Variants in PTPRM observed in about 807,000 individuals in gnomAD.
The protein encoded by PTPRM is receptor-type tyrosine-protein phosphatase mu.
In PTPRM, 47 loss-of-function variants were observed where a neutral mutation model predicts 186.7. The observed-to-expected ratio is 0.25, with a 90% CI of 0.20 to 0.32. PTPRM has a LOEUF of 0.32. Ranked by LOEUF, PTPRM falls within the 10% of genes least tolerant of loss-of-function variation. The pLI is 1.00. For synonymous variants in PTPRM, 668 were observed against 674.9 expected (o/e 0.99, Z 0.16); for missense variants, 1,494 against 1,865.0 (o/e 0.80, Z 3.66).
chr18:7,609,050 C>T (rs1003557930), intron 1 of PTPRM, among the ~76,000 whole-genome samples: 1 of 152,206 alleles, frequency 6.6e-6, no homozygotes, highest in Non-Finnish European at 1.5e-5. Context: ...TTCCTGTTTT[C>T]TTCCCCAGGG....
intron 11 of PTPRM, among the ~76,000 whole-genome samples, chr18:8,097,103 A>C (rs630815): frequency 0.41 from 63,065 of 152,086 alleles, 14,306 homozygotes; most frequent in Non-Finnish European, 0.52. Context: ...AGCACTTATA[A>C]GTATACTCAA....
At chr18:7,827,171 A>C (rs1237069959) in intron 2 of PTPRM, among the ~76,000 whole-genome samples, 1 of 152,218 alleles carries the variant, frequency 6.6e-6, no homozygotes, top group Non-Finnish European at 1.5e-5. Flanking sequence ...GCTTTGGAGC[A>C]AAGTAAAATA....
At chr18:8,178,519 C>G (rs902059593) in intron 14 of PTPRM, among the ~76,000 whole-genome samples, 16 of 152,234 alleles carry the variant, frequency 1.1e-4, no homozygotes, top group Admixed American at 7.8e-4. Context: ...CACGGTGGCT[C>G]ATGCCTGTAG....
At chr18:8,196,038 T>C (rs2093773744) in intron 14 of PTPRM, among the ~76,000 whole-genome samples, 1 of 152,196 alleles carries the variant, frequency 6.6e-6, no homozygotes, top group Non-Finnish European at 1.5e-5. Flanking sequence ...ACCAGCTGGC[T>C]AGAGGTAACA....
chr18:7,951,947 G>C (rs1396991868), intron 6 of PTPRM, among the ~76,000 whole-genome samples: 1 of 152,158 alleles, frequency 6.6e-6, no homozygotes, highest in African/African-American at 2.4e-5. Flanking sequence ...GTCACACACT[G>C]ATTTGTGGCC....
At chr18:7,867,680 G>A (rs1219708200) in intron 2 of PTPRM, among the ~76,000 whole-genome samples, 1 of 152,006 alleles carries the variant, frequency 6.6e-6, no homozygotes. Context: ...TGTGTCTTAA[G>A]GTTGCTCTTC....
chr18:7,919,411 C>A (rs1210852546), intron 4 of PTPRM, among the ~76,000 whole-genome samples: 1 of 151,994 alleles, frequency 6.6e-6, no homozygotes, highest in Non-Finnish European at 1.5e-5. Flanking sequence ...ATTATTGAAA[C>A]AAATCATAAC....
intron 7 of PTPRM, among the ~76,000 whole-genome samples, chr18:8,016,591 C>T (rs1462089795): frequency 6.6e-6 from 1 of 151,242 alleles, no homozygotes; most frequent in Non-Finnish European, 1.5e-5. Context: ...TGAGAGTCCT[C>T]AAAGCTTTGT....
At chr18:8,364,675 A>C (rs2095617493) in intron 23 of PTPRM, among the ~76,000 whole-genome samples, 1 of 152,176 alleles carries the variant, frequency 6.6e-6, no homozygotes, top group Non-Finnish European at 1.5e-5. Context: ...AGAAGTATGG[A>C]TACTCGGTTT....
chr18:8,384,389 T>G (rs1350644314), intron 29 of PTPRM, among the ~76,000 whole-genome samples, 172 bp from the exon 30 acceptor site: 1 of 152,038 alleles, frequency 6.6e-6, no homozygotes, highest in African/African-American at 2.4e-5. Context: ...GCCCAGGAGC[T>G]CAAGGCTGCA....
chr18:8,296,267 T>C (rs997628849), intron 19 of PTPRM, 101 bp from the exon 20 acceptor site: 31 of 723,590 alleles, frequency 4.3e-5, no homozygotes, highest in Non-Finnish European at 7.5e-5. Context: ...CATTCTTTCC[T>C]TCTTGACCCT....
In PTPRM at chr18:7,735,444, C is replaced by T. The variant is rs563392627; in HGVS notation, c.74-38705C>T. Among the ~76,000 whole-genome samples, 241 of 150,802 alleles carry T rather than the reference C, an allele frequency of 1.6e-3. 8 individuals are homozygous for T. The South Asian group carries it at 0.046, about 29-fold the overall frequency. On this transcript the variant is annotated intron_variant, in intron 1 of 32. Transcript: ENST00000580170. ...TCTCAAAAGCAAGCAAGCAAACAAA[C>T]AAACATTAAAACAGAGATCTTAAGA...
At chr18:7,661,310 A>G (rs1294872478) in intron 1 of PTPRM, among the ~76,000 whole-genome samples, 3 of 152,192 alleles carry the variant, frequency 2.0e-5, no homozygotes, top group Non-Finnish European at 2.9e-5. Context: ...TCTGAATTCC[A>G]CTAAGAAGAC....
intron 23 of PTPRM, chr18:8,361,187 AT>A (rs1295296586): frequency 1.3e-5 from 2 of 151,942 alleles, no homozygotes; most frequent in Admixed American, 1.3e-4. Flanking sequence ...AGAGCCCTTT[AT>A]TTCCTCAAAG....
chr18:8,116,408 G>A (rs1028969692), intron 13 of PTPRM, among the ~76,000 whole-genome samples: 1 of 152,206 alleles, frequency 6.6e-6, no homozygotes, highest in African/African-American at 2.4e-5. Flanking sequence ...TTAAGATGAG[G>A]AAAAGGTGTA....
intron 1 of PTPRM, among the ~76,000 whole-genome samples, chr18:7,585,671 G>T (rs2036961494): frequency 6.6e-6 from 1 of 151,986 alleles, no homozygotes; most frequent in Non-Finnish European, 1.5e-5. Context: ...TGTGATAGAT[G>T]GGTTTTGAAA....
chr18:7,649,813 A>G (rs2038653610), intron 1 of PTPRM, among the ~76,000 whole-genome samples: 1 of 151,686 alleles, frequency 6.6e-6, no homozygotes, highest in African/African-American at 2.4e-5. Context: ...TACCCTCATC[A>G]GCCAGCAGCC....
chr18:8,195,927 A>G (rs1476554325), intron 14 of PTPRM, among the ~76,000 whole-genome samples: 1 of 152,222 alleles, frequency 6.6e-6, no homozygotes, highest in African/African-American at 2.4e-5. Flanking sequence ...TCCTCACATC[A>G]TATGAGAAAA....
intron 2 of PTPRM, among the ~76,000 whole-genome samples, chr18:7,851,110 A>C (rs1380494183): frequency 6.6e-6 from 1 of 152,232 alleles, no homozygotes; most frequent in African/African-American, 2.4e-5. Flanking sequence ...GATTTTACAC[A>C]GCTGAGAGCT....
Sources: allele counts gnomAD v4.1 joint callset (sites outside exome capture counted in the v4.1 genomes callset), GRCh38; gene constraint gnomAD v4.1.1; transcripts MANE v1.5; gene names NCBI Gene and HGNC (gene_info 2026-07-23, HGNC 2026-07-21).